The following NCAPG2 variants were observed in gnomAD, a reference collection of about 807,000 sequenced individuals.
The protein encoded by NCAPG2 is non-SMC condensin II complex subunit G2.
A neutral mutation model predicts 141.1 loss-of-function variants in NCAPG2; 53 were observed. That is an observed-to-expected ratio of 0.38 (90% confidence interval 0.30 to 0.47). The LOEUF is 0.47. Ranked by LOEUF, NCAPG2 falls within the 20% of genes least tolerant of loss-of-function variation. The pLI is 0.99. For synonymous variants in NCAPG2, 499 were observed against 490.7 expected (o/e 1.02, Z -0.22); for missense variants, 1,087 against 1,389.0 (o/e 0.78, Z 3.46).
chr7:158,653,259 G>C (rs575053251), intron 22 of NCAPG2, among the ~76,000 whole-genome samples: 21 of 151,770 alleles, frequency 1.4e-4, no homozygotes, highest in African/African-American at 4.6e-4. Flanking sequence ...TACTCAGGAG[G>C]CTGAGGCATG....
intron 27 of NCAPG2, among the ~76,000 whole-genome samples, chr7:158,635,225 A>G (rs1238739921): frequency 1.3e-5 from 2 of 152,232 alleles, no homozygotes; most frequent in African/African-American, 4.8e-5. Flanking sequence ...GCATACCACT[A>G]AATAAGCTAT....
chr7:158,664,735 G>A lies in NCAPG2; in HGVS notation c.1495C>T (p.Pro499Ser), dbSNP rs752357922. The change falls in exon 14 of 28, where the codon CCC becomes TCC. Residue 499 changes from proline to serine, a missense_variant. Pro to Ser is a moderately conservative substitution (Grantham distance 74, BLOSUM62 -1). Coordinates refer to ENST00000356309, the MANE Select transcript of NCAPG2 (RefSeq NM_017760.7). ...VRAAKFWKIC[P>S]MEHILVRLET... Reference sequence around the variant, plus strand: ...AGACGAACCAGAATGTGCTCCATGGGACATATTTTCCAAAACTGTGCAAAA... The same window carrying A: ...AGACGAACCAGAATGTGCTCCATGGAACATATTTTCCAAAACTGTGCAAAA... 3.1e-5 allele frequency: 50 copies of A among 1,613,828 alleles called. No homozygotes were observed. The highest frequency in any genetic ancestry group is 8.3e-5 in the Admixed American group (5 of 59,982).
chr7:158,664,923 T>A (rs1756760619), intron 13 of NCAPG2, among the ~76,000 whole-genome samples, 173 bp from the exon 14 acceptor site: 1 of 152,164 alleles, frequency 6.6e-6, no homozygotes, highest in Non-Finnish European at 1.5e-5. Context: ...AAATTAGAAT[T>A]AATAAATCTA....
intron 3 of NCAPG2, 77 bp from the exon 4 acceptor site, chr7:158,693,033 C>G: frequency 9.4e-7 from 1 of 1,069,030 alleles, no homozygotes; most frequent in East Asian, 2.5e-5. Flanking sequence ...ATTTCAGTTA[C>G]AAATTTTCTA....
At chr7:158,643,869 G>A (rs931972594) in intron 27 of NCAPG2, among the ~76,000 whole-genome samples, 2 of 152,166 alleles carry the variant, frequency 1.3e-5, no homozygotes, top group African/African-American at 2.4e-5. Flanking sequence ...CGTAGCAATG[G>A]GCTGTCCAGC....
intron 8 of NCAPG2, among the ~76,000 whole-genome samples, chr7:158,684,293 C>G (rs1834623458): frequency 6.6e-6 from 1 of 152,200 alleles, no homozygotes; most frequent in Non-Finnish European, 1.5e-5. Flanking sequence ...TGCCAACATT[C>G]TACAGGACAA....
chr7:158,670,469 G>A (rs566453679), intron 13 of NCAPG2, among the ~76,000 whole-genome samples: 1 of 152,240 alleles, frequency 6.6e-6, no homozygotes, highest in Admixed American at 6.5e-5. Context: ...GGGAGGCTCA[G>A]GAGGGATGAT....
At chr7:158,659,887 G>A (rs538767996) in intron 16 of NCAPG2, among the ~76,000 whole-genome samples, 12 of 152,096 alleles carry the variant, frequency 7.9e-5, no homozygotes, top group African/African-American at 2.7e-4. Context: ...CGAGGCAGGC[G>A]GATCATGAGG....
At chr7:158,653,387 A>AAAAAAT (rs1554553516) in intron 22 of NCAPG2, among the ~76,000 whole-genome samples, 56 of 146,094 alleles carry the variant, frequency 3.8e-4, no homozygotes, top group Non-Finnish European at 4.5e-4. Context: ...ATAAAAAAAA[A>AAAAAAT]AATAATAATA....
intron 4 of NCAPG2, 84 bp downstream of exon 4, chr7:158,692,758 T>C: frequency 1.1e-6 from 1 of 937,140 alleles, no homozygotes; most frequent in Non-Finnish European, 1.7e-6. Flanking sequence ...AATAAATAAA[T>C]GAATGAATAA....
At chr7:158,649,589 G>A (rs990365474) in intron 24 of NCAPG2, among the ~76,000 whole-genome samples, 5 of 152,102 alleles carry the variant, frequency 3.3e-5, no homozygotes, top group African/African-American at 7.2e-5. Context: ...ATTCTATTGT[G>A]TAATCTAGTA....
chr7:158,673,776 C>T (rs1237257433), intron 12 of NCAPG2, among the ~76,000 whole-genome samples: 5 of 152,330 alleles, frequency 3.3e-5, no homozygotes, highest in South Asian at 4.1e-4. Context: ...AAGAGGCGCA[C>T]GGCTCCCTGG....
At position 158,655,023 on chromosome 7, in the gene NCAPG2, A is replaced by G. The variant is rs138006188; in HGVS notation, c.2646+95T>C. ...CCTGTAAGTTTTTAAGAATAACACT[A>G]ATGTCTAAAATTACCACTCTAAAGT... is the stretch of plus-strand genomic sequence containing the variant. On this transcript the variant is annotated intron_variant, in intron 21 of 27. Transcript: ENST00000356309. The G allele has an allele frequency of 3.2e-4, 450 of 1,410,160 alleles. 5 individuals are homozygous for G. In the East Asian group the frequency reaches 9.9e-3, roughly 31 times the overall value. The allele number at this position is 1,410,160 out of a possible 1,614,324, so 87.4% of individuals were successfully genotyped here. A position where few individuals can be genotyped will look rare whatever the true frequency, so the allele number is the denominator to read the frequency against.
At chr7:158,698,812 G>A (rs539142072) in intron 2 of NCAPG2, among the ~76,000 whole-genome samples, 5 of 149,846 alleles carry the variant, frequency 3.3e-5, no homozygotes, top group Admixed American at 6.6e-5. Context: ...TTGAGACAGG[G>A]TCTCACTTTG....
chr7:158,634,346 G>A lies in NCAPG2; in HGVS notation c.3381-2629C>T, dbSNP rs748624469. ...TACTATATTGTCTATATACTATATC[G>A]TCTATATTGTTATACTATACTAATA... On this transcript the variant is annotated intron_variant, in intron 27 of 27. Transcript: ENST00000356309. Among the ~76,000 whole-genome samples the A allele has an allele frequency of 5.3e-5, 8 of 151,814 alleles. No homozygotes were observed. In the South Asian group the frequency reaches 1.0e-3, roughly 20 times the overall value.
At chr7:158,664,504 C>T in intron 14 of NCAPG2, 24 bp downstream of exon 14, 1 of 1,605,540 alleles carries the variant, frequency 6.2e-7, no homozygotes, top group Admixed American at 1.7e-5. Flanking sequence ...ATAACAAGAA[C>T]TGAGAAATAA....
intron 2 of NCAPG2, among the ~76,000 whole-genome samples, chr7:158,699,510 A>C (rs1179110848): frequency 1.3e-5 from 2 of 152,190 alleles, no homozygotes; most frequent in Admixed American, 1.3e-4. Context: ...AACACAACTC[A>C]GACACCTACC....
intron 16 of NCAPG2, 80 bp downstream of exon 16, chr7:158,662,114 A>C: frequency 7.5e-7 from 1 of 1,338,144 alleles, no homozygotes; most frequent in Non-Finnish European, 1.0e-6. Flanking sequence ...AGGGAGGTAA[A>C]CATGTTTGAG....
chr7:158,631,303 A>C lies in NCAPG2; in HGVS notation c.*363T>G, dbSNP rs150804203. 7.6e-4 allele frequency: 180 copies of C among 236,982 alleles called. 1 individual carries two copies. In the East Asian group the frequency reaches 0.02, roughly 26 times the overall value. The allele number at this position is 236,982 out of a possible 1,614,324, so 14.7% of individuals were successfully genotyped here. A position where few individuals can be genotyped will look rare whatever the true frequency, so the allele number is the denominator to read the frequency against. On this transcript the variant is annotated 3_prime_UTR_variant, in exon 28 of 28. Transcript: ENST00000356309. Reference sequence around the variant, plus strand: ...GCCGGGCCCCTAATACTTTCAAATAAACAAATGGATGTTGTCATTGCTTTA... The same window carrying C: ...GCCGGGCCCCTAATACTTTCAAATACACAAATGGATGTTGTCATTGCTTTA...
Sources: gnomAD v4.1 joint callset for allele counts (sites outside exome capture counted in the v4.1 genomes callset) on GRCh38, gnomAD v4.1.1 for gene constraint, MANE v1.5 for transcripts, NCBI Gene and HGNC (gene_info 2026-07-23, HGNC 2026-07-21) for gene names.